PARD3: variants seen among roughly 807,000 people sequenced by gnomAD.
PARD3 encodes par-3 family cell polarity regulator.
A neutral mutation model predicts 155.4 loss-of-function variants in PARD3; 75 were observed. The observed-to-expected ratio is 0.48, with a 90% confidence interval of 0.40 to 0.58. The LOEUF is 0.58. Among genes scored for constraint, PARD3 ranks in the 20% least tolerant of loss-of-function variants. The probability of loss-of-function intolerance (pLI) is 0.00; values close to 1 mark genes in which losing one functional copy is unlikely to be tolerated. For synonymous variants in PARD3, 576 were observed against 610.5 expected, an observed-to-expected ratio of 0.94 and a Z score of 0.83; for missense variants, 1,642 against 1,721.7, an observed-to-expected ratio of 0.95 and a Z score of 0.82.
intron 2 of PARD3, among the ~76,000 whole-genome samples, chr10:34,686,712 G>C (rs1211557847): frequency 6.6e-6 from 1 of 151,622 alleles, no homozygotes; most frequent in East Asian, 1.9e-4. Flanking sequence ...TTGCACTCCA[G>C]CCTGGGAAAC....
rs894219004 is a variant in PARD3, at chr10:34,308,860, C to A, written c.3065+8247G>T. Among the ~76,000 whole-genome samples the A allele has an allele frequency of 3.0e-4, 45 of 152,030 alleles. 1 individual carries two copies. Among genetic ancestry groups the A allele is most frequent in the Admixed American group, 2.7e-3 (41 of 15,250 alleles). On this transcript the variant is annotated intron_variant, in intron 20 of 24. Transcript: ENST00000374788. ...GGACTGAGCACCTGGGGCACAAGAC[C>A]TGGAGGACAGAGTATGGCACAGAAT...
chr10:34,221,073 C>T lies in PARD3; in HGVS notation c.3419+48584G>A, dbSNP rs116203006. 4.6e-3 allele frequency among the ~76,000 whole-genome samples: 697 copies of T among 152,344 alleles called. 5 individuals are homozygous for T. Among genetic ancestry groups the T allele is most frequent in the African/African-American group, 0.016 (645 of 41,584 alleles). Reference sequence around the variant, plus strand: ...GTGAAACATCTGCTATGAGCAGGACCTCCTCCGTGGGTGTGCAACCCTGAC... The same window carrying T: ...GTGAAACATCTGCTATGAGCAGGACTTCCTCCGTGGGTGTGCAACCCTGAC... On this transcript the variant is annotated intron_variant, in intron 22 of 24. Transcript: ENST00000374788.
chr10:34,720,527 T>C (rs778598567), intron 1 of PARD3, among the ~76,000 whole-genome samples: 26 of 149,630 alleles, frequency 1.7e-4, no homozygotes, highest in Non-Finnish European at 3.4e-4. Flanking sequence ...GCCAGGTGCA[T>C]TGGCTCAGGC....
chr10:34,123,854 A>C lies in PARD3; in HGVS notation c.3541-4114T>G, dbSNP rs545444106. Among the ~76,000 whole-genome samples, 108 of 152,338 alleles carry C rather than the reference A, an allele frequency of 7.1e-4. 2 individuals carry two copies. In the South Asian group the frequency reaches 0.022, roughly 31 times the overall value. On this transcript the variant is annotated intron_variant, in intron 23 of 24. Coordinates refer to ENST00000374788, the MANE Select transcript of PARD3 (RefSeq NM_001184785.2). The stretch of plus-strand genomic sequence containing the variant: ...TATTTAATAGACAGTTAACAGAGTA[A>C]AGAACAAACATGAATATCCACAGTA...
intron 5 of PARD3, among the ~76,000 whole-genome samples, chr10:34,410,431 TATC>T (rs572478890): frequency 2.8e-4 from 43 of 152,264 alleles, no homozygotes; most frequent in African/African-American, 8.9e-4. Flanking sequence ...CGGGTAAACA[TATC>T]ATCATTTCAC....
At chr10:34,210,296 G>A (rs1186205661) in intron 22 of PARD3, among the ~76,000 whole-genome samples, 1 of 152,154 alleles carries the variant, frequency 6.6e-6, no homozygotes, top group African/African-American at 2.4e-5. Flanking sequence ...GAATATTTGA[G>A]TTTTCTTTTA....
intron 4 of PARD3, among the ~76,000 whole-genome samples, chr10:34,456,202 C>T (rs1010448503): frequency 6.6e-6 from 1 of 152,228 alleles, no homozygotes; most frequent in Non-Finnish European, 1.5e-5. Flanking sequence ...CAACCAGAAA[C>T]ACTGGTCAGA....
At chr10:34,536,730 T>A (rs1230129745) in intron 2 of PARD3, among the ~76,000 whole-genome samples, 1 of 152,164 alleles carries the variant, frequency 6.6e-6, no homozygotes, top group Admixed American at 6.5e-5. Flanking sequence ...CCATTCTTGG[T>A]TGAACCTTTA....
At chr10:34,281,591 G>C (rs1306445870) in intron 21 of PARD3, among the ~76,000 whole-genome samples, 1 of 152,094 alleles carries the variant, frequency 6.6e-6, no homozygotes, top group African/African-American at 2.4e-5. Context: ...TGACAGAAAG[G>C]GAAGGAAGTT....
At chr10:34,471,798 A>AT (rs1419623897) in intron 3 of PARD3, among the ~76,000 whole-genome samples, 1 of 152,208 alleles carries the variant, frequency 6.6e-6, no homozygotes, top group Admixed American at 6.5e-5. Flanking sequence ...ACCTCAGGTT[A>AT]TCCACCCGCC....
chr10:34,797,161 G>A (rs1404438937), intron 1 of PARD3, among the ~76,000 whole-genome samples: 1 of 152,158 alleles, frequency 6.6e-6, no homozygotes, highest in African/African-American at 2.4e-5. Flanking sequence ...AAGGAGCTAA[G>A]TAAGTGGTTA....
At chr10:34,703,900 G>C (rs1418923168) in intron 1 of PARD3, among the ~76,000 whole-genome samples, 1 of 152,120 alleles carries the variant, frequency 6.6e-6, no homozygotes, top group Non-Finnish European at 1.5e-5. Context: ...TATGAAGGTA[G>C]AAAAAAGACC....
intron 3 of PARD3, among the ~76,000 whole-genome samples, chr10:34,492,913 A>AT (rs1204523145): frequency 1.3e-5 from 2 of 152,262 alleles, no homozygotes; most frequent in Non-Finnish European, 2.9e-5. Context: ...CGTTTTTCTG[A>AT]TAATTCACCT....
chr10:34,758,822 C>T lies in PARD3; in HGVS notation c.120+56054G>A, dbSNP rs140328799. 6.4e-4 allele frequency among the ~76,000 whole-genome samples: 97 copies of T among 152,244 alleles called. 1 individual carries two copies. The South Asian group carries it at 0.016, about 24-fold the overall frequency. The stretch of plus-strand genomic sequence containing the variant: ...ACCTGGAAGCTCCTTAAGTTGGTGA[C>T]GGATGACAAGGAAGGTTTAACAGCA... On this transcript the variant is annotated intron_variant, in intron 1 of 24. Transcript: ENST00000374788.
At chr10:34,676,584 T>C (rs968786815) in intron 2 of PARD3, among the ~76,000 whole-genome samples, 7 of 152,164 alleles carry the variant, frequency 4.6e-5, no homozygotes, top group Admixed American at 4.6e-4. Flanking sequence ...CAGAACATCA[T>C]CATTATCATC....
chr10:34,521,372 A>G (rs1404599476), intron 2 of PARD3, among the ~76,000 whole-genome samples: 1 of 151,630 alleles, frequency 6.6e-6, no homozygotes, highest in East Asian at 1.9e-4. Context: ...AGCAAAAAAA[A>G]AAAAAAAAAA....
chr10:34,574,192 A>G (rs1226357856), intron 2 of PARD3, among the ~76,000 whole-genome samples: 6 of 152,196 alleles, frequency 3.9e-5, no homozygotes, highest in Non-Finnish European at 8.8e-5. Flanking sequence ...AGATTTACAA[A>G]ATATTGATTA....
chr10:34,719,171 G>A (rs936547474), intron 1 of PARD3, among the ~76,000 whole-genome samples: 1 of 152,018 alleles, frequency 6.6e-6, no homozygotes, highest in South Asian at 2.1e-4. Context: ...TTTTAGACCT[G>A]TCTGAAAAAA....
At chr10:34,255,586 A>G (rs1369604070) in intron 22 of PARD3, among the ~76,000 whole-genome samples, 1 of 152,204 alleles carries the variant, frequency 6.6e-6, no homozygotes, top group Non-Finnish European at 1.5e-5. Context: ...GAGGAAAAAG[A>G]TATCTGTTAG....
Sources: allele counts gnomAD v4.1 joint callset (sites outside exome capture counted in the v4.1 genomes callset), GRCh38; gene constraint gnomAD v4.1.1; transcripts MANE v1.5; gene names NCBI Gene and HGNC (gene_info 2026-07-23, HGNC 2026-07-21).